The following FAM186A variants were observed in gnomAD, a reference collection of about 807,000 sequenced individuals.
FAM186A encodes the protein protein FAM186A.
A neutral mutation model predicts 216.8 loss-of-function variants in FAM186A; 163 were observed. The ratio of observed to expected loss-of-function variants is 0.75; its 90% CI spans 0.66 to 0.86. The LOEUF is 0.86. Among genes scored for constraint, FAM186A ranks in the 40% least tolerant of loss-of-function variants. FAM186A has a pLI of 0.00. For synonymous variants in FAM186A, 805 were observed against 1,025.3 expected (o/e 0.79, Z 4.10); for missense variants, 2,184 against 2,746.2 (o/e 0.80, Z 4.58).
At chr12:50,336,809 T>C (rs1275570335) in intron 4 of FAM186A, among the ~76,000 whole-genome samples, 2 of 151,742 alleles carry the variant, frequency 1.3e-5, no homozygotes, top group South Asian at 4.2e-4. Context: ...GTTAAGGAGT[T>C]TGGATCTTCT....
At chr12:50,346,220 G>GAGAGAGAAA (rs1555215373) in intron 4 of FAM186A, among the ~76,000 whole-genome samples, 1 of 46,744 alleles carries the variant, frequency 2.1e-5, no homozygotes, top group Non-Finnish European at 3.8e-5. Flanking sequence ...AGAGAGAGAA[G>GAGAGAGAAA]GAAAGAAAGA....
intron 1 of FAM186A, among the ~76,000 whole-genome samples, chr12:50,389,075 G>GA (rs200678383): frequency 9.6e-5 from 14 of 145,430 alleles, no homozygotes; most frequent in African/African-American, 2.3e-4. Flanking sequence ...AAAGAAAAAA[G>GA]AAAAAAAAAA....
chr12:50,370,482 A>G (rs1221564311), intron 1 of FAM186A, among the ~76,000 whole-genome samples: 1 of 152,182 alleles, frequency 6.6e-6, no homozygotes, highest in East Asian at 1.9e-4. Flanking sequence ...GATGGCTACT[A>G]TGAAAAAAAC....
chr12:50,361,348 G>A (rs183244331), intron 2 of FAM186A, among the ~76,000 whole-genome samples: 24 of 152,034 alleles, frequency 1.6e-4, no homozygotes, highest in African/African-American at 5.3e-4. Context: ...ACAGGCATGT[G>A]CCGCCATGCC....
At chr12:50,387,255 C>G (rs906802894) in intron 1 of FAM186A, among the ~76,000 whole-genome samples, 2 of 152,176 alleles carry the variant, frequency 1.3e-5, no homozygotes, top group African/African-American at 4.8e-5. Flanking sequence ...CCTAAGACTC[C>G]CTCTTTTGGT....
intron 1 of FAM186A, among the ~76,000 whole-genome samples, chr12:50,375,211 A>G (rs1203189615): frequency 6.6e-6 from 1 of 151,842 alleles, no homozygotes; most frequent in Non-Finnish European, 1.5e-5. Context: ...ATAAAATAAA[A>G]CAAACCAAAA....
intron 1 of FAM186A, among the ~76,000 whole-genome samples, chr12:50,377,116 A>T (rs1943205420): frequency 6.6e-6 from 1 of 152,162 alleles, no homozygotes; most frequent in South Asian, 2.1e-4. Flanking sequence ...ACAAGGTTGG[A>T]AGAAACACCA....
At chr12:50,337,879 A>T (rs1942725697) in intron 4 of FAM186A, among the ~76,000 whole-genome samples, 1 of 150,104 alleles carries the variant, frequency 6.7e-6, no homozygotes, top group Admixed American at 6.7e-5. Context: ...CTGGCGACAG[A>T]GCAAGACTTC....
At chr12:50,381,670 AAACT>A (rs1943254699) in intron 1 of FAM186A, among the ~76,000 whole-genome samples, 1 of 152,228 alleles carries the variant, frequency 6.6e-6, no homozygotes, top group Non-Finnish European at 1.5e-5. Context: ...TTTAAGTCAA[AAACT>A]AATAGAGCCA....
rs747432089 is a variant in FAM186A at position 50,355,021 on chromosome 12, T to C, written c.1811A>G (p.Lys604Arg). ...FDDTAEPQKG[K>R]IKGKKHHISS... is the part of the protein sequence containing the mutation. The stretch of plus-strand genomic sequence containing the variant: ...GATATGGTGTTTCTTTCCTTTTATT[T>C]TTCCTTTCTGTGGCTCAGCAGTATC... The change falls in exon 4 of 8, where the codon AAA (lysine) becomes AGA (arginine). Residue 604 changes from lysine (K) to arginine (R), a missense_variant. Physicochemically the swap from Lys to Arg is conservative, Grantham distance 26 (BLOSUM62 2). Coordinates refer to ENST00000327337, the MANE Select transcript of FAM186A (RefSeq NM_001145475.3). 18 of 1,551,564 alleles carry C rather than the reference T, an allele frequency of 1.2e-5. 1 individual carries two copies. The South Asian group carries it at 2.1e-4, about 18-fold the overall frequency.
intron 1 of FAM186A, among the ~76,000 whole-genome samples, chr12:50,392,912 G>T (rs543093383): frequency 7.0e-6 from 1 of 141,876 alleles, no homozygotes; most frequent in Admixed American, 7.3e-5. Context: ...CGCCCAGCCA[G>T]TATCAATACT....
intron 1 of FAM186A, among the ~76,000 whole-genome samples, chr12:50,367,911 C>T (rs997573113): frequency 1.2e-4 from 18 of 152,078 alleles, no homozygotes; most frequent in African/African-American, 2.4e-4. Context: ...TTTGGAAGGC[C>T]GAGGCGGGTG....
chr12:50,335,770 A>G (rs1041865344), intron 4 of FAM186A, among the ~76,000 whole-genome samples: 1 of 152,144 alleles, frequency 6.6e-6, no homozygotes, highest in Admixed American at 6.6e-5. Context: ...AAAGAAATAG[A>G]ATGAAATAAA....
chr12:50,393,405 C>A (rs1184927207), intron 1 of FAM186A, among the ~76,000 whole-genome samples: 2 of 151,440 alleles, frequency 1.3e-5, no homozygotes, highest in Admixed American at 6.6e-5. Context: ...GGCATGACGG[C>A]GGGTGCCTGT....
chr12:50,394,887 TC>T (rs1943398691), intron 1 of FAM186A, among the ~76,000 whole-genome samples: 1 of 151,480 alleles, frequency 6.6e-6, no homozygotes, highest in African/African-American at 2.4e-5. Context: ...TACCACCACT[TC>T]CTGGCTAATT....
chr12:50,369,297 G>A (rs1565891922), intron 1 of FAM186A, among the ~76,000 whole-genome samples: 1 of 151,576 alleles, frequency 6.6e-6, no homozygotes, highest in Non-Finnish European at 1.5e-5. Context: ...GGACCATCCT[G>A]GCTAACATGG....
chr12:50,350,510 C>T lies in FAM186A; in HGVS notation c.6322G>A (p.Asp2108Asn). 6.4e-7 allele frequency: 1 copy of T among 1,551,600 alleles called. No individual in the cohort carries two copies. The highest frequency in any genetic ancestry group is 8.7e-7 in the Non-Finnish European group (1 of 1,146,990). ...AGGTTCTTCTTCTGAGCCTCCACAT[C>T]AACAAAATACCTCTTTTCTTCAAGT... ...QELEEKRYFVDVEAQKKNLIL... is the reference protein window; with the variant it reads ...QELEEKRYFVNVEAQKKNLIL... Residue 2108 changes from aspartate (D) to asparagine (N), a missense_variant, in exon 4 of 8, where the codon GAT becomes AAT. This residue lies in a region of FAM186A where 721 missense variants were observed against 816.4 expected (regional missense o/e 0.88). Transcript: ENST00000327337.
At chr12:50,366,145 A>C in intron 1 of FAM186A, 1 of 585,598 alleles carries the variant, frequency 1.7e-6, no homozygotes. Flanking sequence ...AAAGAATAAG[A>C]TTTGGATTTT....
In FAM186A at chr12:50,353,792, T is replaced by A. The variant is rs776587799; in HGVS notation, c.3040A>T (p.Lys1014Ter). The change falls in exon 4 of 8, where the codon AAG becomes TAG. Residue 1014 changes from lysine (K) to a stop codon, truncating the protein, a stop_gained. Transcript: ENST00000327337. LOFTEE classifies it high-confidence loss of function. ...QTPMTLSPRW[K>*]SVLKDVQRSY... Reference sequence around the variant, plus strand: ...CGCTGTACATCTTTCAATACACTCTTCCACCTGGGAGATAATGTCATTGGA... The same window carrying A: ...CGCTGTACATCTTTCAATACACTCTACCACCTGGGAGATAATGTCATTGGA... The A allele has an allele frequency of 1.4e-5, 21 of 1,551,538 alleles. No individual in the cohort carries two copies. Among genetic ancestry groups the A allele is most frequent in the South Asian group, 7.1e-5 (6 of 84,064 alleles).
Sources: gnomAD v4.1 joint callset for allele counts (sites outside exome capture counted in the v4.1 genomes callset) on GRCh38, gnomAD v4.1.1 for gene constraint, gnomAD v4.1.1 regional missense constraint, MANE v1.5 for transcripts, NCBI Gene and HGNC (gene_info 2026-07-23, HGNC 2026-07-21) for gene names.